The following PUM2 variants were observed in gnomAD, a reference collection of about 807,000 sequenced individuals.
The protein encoded by PUM2 is pumilio homolog 2.
Under a neutral mutation model 124.5 loss-of-function variants are expected in PUM2, and 57 were observed. The observed-to-expected ratio is 0.46, with a 90% confidence interval of 0.37 to 0.57. The LOEUF (loss-of-function observed/expected upper bound fraction) is 0.57, where lower values mean the gene tolerates loss of function less well. Among genes scored for constraint, PUM2 ranks in the 20% least tolerant of loss-of-function variants. PUM2 has a pLI of 0.00. For synonymous variants in PUM2, 460 were observed against 446.1 expected (o/e 1.03, Z -0.39); for missense variants, 1,065 against 1,290.6 (o/e 0.83, Z 2.68).
intron 3 of PUM2, 45 bp from the exon 4 acceptor site, chr2:20,312,468 TAAAC>T (rs1679835784): frequency 6.6e-7 from 1 of 1,507,670 alleles, no homozygotes; most frequent in Non-Finnish European, 9.0e-7. Context: ...ACTTTTAAGT[TAAAC>T]AAAATGTAGT....
chr2:20,281,795 T>A (rs1671588176), intron 12 of PUM2, among the ~76,000 whole-genome samples: 1 of 152,224 alleles, frequency 6.6e-6, no homozygotes, highest in East Asian at 1.9e-4. Flanking sequence ...CAATATGACA[T>A]CCACTTATTG....
intron 2 of PUM2, among the ~76,000 whole-genome samples, 182 bp from the exon 3 acceptor site, chr2:20,318,827 C>T (rs1222492189): frequency 6.6e-6 from 1 of 152,188 alleles, no homozygotes; most frequent in Non-Finnish European, 1.5e-5. Context: ...TTTTTGTGTG[C>T]TGGTGCTAGT....
intron 1 of PUM2, among the ~76,000 whole-genome samples, chr2:20,345,878 A>G (rs1298260873): frequency 6.6e-6 from 1 of 152,234 alleles, no homozygotes; most frequent in Non-Finnish European, 1.5e-5. Flanking sequence ...GTCTCCAAAA[A>G]ACTTGTGCAG....
At chr2:20,260,146 G>A (rs906713247) in intron 15 of PUM2, among the ~76,000 whole-genome samples, 191 bp downstream of exon 15, 1 of 152,100 alleles carries the variant, frequency 6.6e-6, no homozygotes, top group Non-Finnish European at 1.5e-5. Context: ...TTTTGTTGTT[G>A]ACTTTTTAGG....
Position 20,275,133 on chromosome 2 carries a change from A to G in PUM2, c.1957+3450T>C, listed in dbSNP as rs972926998. On this transcript the variant is annotated intron_variant, in intron 13 of 20. Coordinates refer to ENST00000361078, the MANE Select transcript of PUM2 (RefSeq NM_015317.5). ...TTCTCTGCATTTCAGGGTATAAACT[A>G]TTAATCCTAAAATCATTCTCTCTCC... is the stretch of plus-strand genomic sequence containing the variant. Among the ~76,000 whole-genome samples the G allele has an allele frequency of 2.6e-5, 4 of 151,844 alleles. No homozygotes were observed. In the East Asian group the frequency reaches 7.7e-4, roughly 29 times the overall value.
chr2:20,293,081 T>G (rs1674611726), intron 9 of PUM2, among the ~76,000 whole-genome samples: 1 of 152,196 alleles, frequency 6.6e-6, no homozygotes, highest in African/African-American at 2.4e-5. Flanking sequence ...AAAAGCTGCT[T>G]TTAAACATAT....
chr2:20,258,616 CTT>C, intron 15 of PUM2, among the ~76,000 whole-genome samples: 1 of 137,840 alleles, frequency 7.3e-6, no homozygotes, highest in Middle Eastern at 4.2e-3. Context: ...AAGAAACACT[CTT>C]TTAAAGTGAA....
chr2:20,283,537 A>C, intron 10 of PUM2, 51 bp from the exon 11 acceptor site: 1 of 1,538,668 alleles, frequency 6.5e-7, no homozygotes, highest in South Asian at 1.2e-5. Context: ...AAAAACATGC[A>C]TATTTGTTTT....
intron 3 of PUM2, 70 bp from the exon 4 acceptor site, chr2:20,312,493 T>C (rs988997065): frequency 5.2e-6 from 7 of 1,357,560 alleles, no homozygotes; most frequent in South Asian, 4.1e-5. Flanking sequence ...TAAATTAATA[T>C]ACTGAAGTAA....
rs1318794133 is a variant in PUM2, at chr2:20,258,603, T to C, written c.2356-232A>G. Among the ~76,000 whole-genome samples, 3 of 151,984 alleles carry C rather than the reference T, an allele frequency of 2.0e-5. No homozygotes were observed. The East Asian group carries it at 5.8e-4, about 29-fold the overall frequency. On this transcript the variant is annotated intron_variant, in intron 15 of 20. Transcript: ENST00000361078. ...TTGTTACTAATATGTTAACTACCTT[T>C]TAAAGAAACACTCTTTTAAAGTGAA... is the stretch of plus-strand genomic sequence containing the variant.
chr2:20,300,728 C>T (rs1553384367), intron 7 of PUM2, among the ~76,000 whole-genome samples: 1 of 150,448 alleles, frequency 6.6e-6, no homozygotes, highest in Non-Finnish European at 1.5e-5. Flanking sequence ...GGGAACTGCA[C>T]TGGGCAAATC....
Position 20,306,913 on chromosome 2 carries a change from T to C in PUM2, c.883+1065A>G, listed in dbSNP as rs1678462019. ...GGCGCCACTGTGCAGCCTGACATTT[T>C]TGATGAAAACAAAAAATAGGCCAGA... On this transcript the variant is annotated intron_variant, in intron 7 of 20. Transcript: ENST00000361078. Among the ~76,000 whole-genome samples, 2 of 151,686 alleles carry C rather than the reference T, an allele frequency of 1.3e-5. 1 individual carries two copies. Among genetic ancestry groups the C allele is most frequent in the South Asian group, 4.2e-4 (2 of 4,786 alleles).
chr2:20,337,938 A>T (rs973739422), intron 1 of PUM2, among the ~76,000 whole-genome samples: 2 of 152,150 alleles, frequency 1.3e-5, no homozygotes, highest in Non-Finnish European at 2.9e-5. Context: ...AGCAAAGTCA[A>T]TACTGCATCA....
intron 20 of PUM2, 134 bp from the exon 21 acceptor site, chr2:20,251,850 T>A: frequency 8.9e-7 from 1 of 1,124,448 alleles, no homozygotes; most frequent in Non-Finnish European, 1.2e-6. Flanking sequence ...GAAAGCTACT[T>A]TTTGCAAAAG....
chr2:20,258,195 A>G, intron 16 of PUM2, 48 bp downstream of exon 16: 1 of 1,462,500 alleles, frequency 6.8e-7, no homozygotes, highest in African/African-American at 1.4e-5. Flanking sequence ...GTAATAATTT[A>G]AAAATTGAAT....
chr2:20,322,860 G>C (rs1682710490), intron 2 of PUM2, among the ~76,000 whole-genome samples: 1 of 152,048 alleles, frequency 6.6e-6, no homozygotes, highest in South Asian at 2.1e-4. Context: ...ATGAAACATA[G>C]AGAACAAAAC....
At chr2:20,311,457 A>G in intron 5 of PUM2, 37 bp downstream of exon 5, 2 of 1,562,688 alleles carry the variant, frequency 1.3e-6, no homozygotes, top group Non-Finnish European at 8.7e-7. Context: ...ATCCCTAAAA[A>G]GATACGCTTT....
intron 13 of PUM2, among the ~76,000 whole-genome samples, chr2:20,265,115 G>A (rs183792303): frequency 5.9e-5 from 9 of 151,958 alleles, no homozygotes; most frequent in South Asian, 2.1e-4. Context: ...AGCTGGGCGC[G>A]GTGGCGTGCA....
At chr2:20,334,927 C>A (rs1462572955) in intron 1 of PUM2, among the ~76,000 whole-genome samples, 1 of 152,140 alleles carries the variant, frequency 6.6e-6, no homozygotes, top group Non-Finnish European at 1.5e-5. Context: ...AGGACATATT[C>A]TCCGTAATCA....
Sources: gnomAD v4.1 joint callset for allele counts (sites outside exome capture counted in the v4.1 genomes callset) on GRCh38, gnomAD v4.1.1 for gene constraint, MANE v1.5 for transcripts, NCBI Gene and HGNC (gene_info 2026-07-23, HGNC 2026-07-21) for gene names.